The following VPS53 variants were observed in gnomAD, a reference collection of about 807,000 sequenced individuals.
VPS53 encodes vacuolar protein sorting-associated protein 53 homolog.
A neutral mutation model predicts 107.0 loss-of-function variants in VPS53; 70 were observed. The ratio of observed to expected loss-of-function variants is 0.65; its 90% CI spans 0.54 to 0.80. The LOEUF is 0.80. VPS53 is among the 30% of genes least tolerant of loss of function. The pLI, the probability that VPS53 is intolerant of heterozygous loss-of-function variation, is 0.00. For synonymous variants in VPS53, 409 were observed against 393.3 expected, an observed-to-expected ratio of 1.04 and a Z score of -0.47; for missense variants, 917 against 1,049.4, an observed-to-expected ratio of 0.87 and a Z score of 1.74.
chr17:598,833 G>A (rs1374731508), intron 12 of VPS53, among the ~76,000 whole-genome samples: 5 of 90,944 alleles, frequency 5.5e-5, no homozygotes, highest in Admixed American at 2.5e-4. Context: ...AGTGAGGAGC[G>A]TCTCCGCCCG....
At chr17:542,077 G>A (rs1490051286) in intron 17 of VPS53, among the ~76,000 whole-genome samples, 1 of 152,092 alleles carries the variant, frequency 6.6e-6, no homozygotes, top group Non-Finnish European at 1.5e-5. Flanking sequence ...ACGCACTGAA[G>A]GAACGTTTCT....
At chr17:556,304 G>C (rs1047018341) in intron 15 of VPS53, among the ~76,000 whole-genome samples, 3 of 151,886 alleles carry the variant, frequency 2.0e-5, no homozygotes, top group Non-Finnish European at 4.4e-5. Flanking sequence ...TGAGCAACAA[G>C]GAATTGGAAA....
chr17:665,269 G>A (rs1241232613), intron 4 of VPS53, among the ~76,000 whole-genome samples: 2 of 152,178 alleles, frequency 1.3e-5, no homozygotes, highest in Non-Finnish European at 2.9e-5. Flanking sequence ...GGCCCTCGCC[G>A]CAGGACGACA....
chr17:634,943 T>C (rs1970129577), intron 7 of VPS53, among the ~76,000 whole-genome samples: 1 of 152,080 alleles, frequency 6.6e-6, no homozygotes, highest in Non-Finnish European at 1.5e-5. Context: ...ATGGTATTTC[T>C]AGTTCTAGAT....
intron 2 of VPS53, among the ~76,000 whole-genome samples, chr17:706,998 G>A (rs974138283): frequency 6.6e-6 from 1 of 152,170 alleles, no homozygotes; most frequent in South Asian, 2.1e-4. Context: ...CCTGCCAAAA[G>A]TCCTTCAATG....
intron 11 of VPS53, among the ~76,000 whole-genome samples, chr17:607,736 G>A (rs1004015182): frequency 6.6e-6 from 1 of 152,214 alleles, no homozygotes; most frequent in Non-Finnish European, 1.5e-5. Context: ...TATGATGACA[G>A]TTGATTTCAA....
At chr17:713,760 C>A (rs1289568802) in intron 1 of VPS53, among the ~76,000 whole-genome samples, 34 of 152,016 alleles carry the variant, frequency 2.2e-4, no homozygotes, top group Admixed American at 2.2e-3. Context: ...GCAGGCAGGG[C>A]CGCGCGTGGT....
rs140666637 is a variant in VPS53, at chr17:562,356, T to C, written c.1556+147A>G. 7,604 of 1,104,136 alleles carry C rather than the reference T, an allele frequency of 6.9e-3. 49 individuals carry two copies. Among genetic ancestry groups the C allele is most frequent in the Middle Eastern group, 0.011 (39 of 3,422 alleles). The allele number at this position is 1,104,136 out of a possible 1,614,324, so 68.4% of individuals were successfully genotyped here. A position where few individuals can be genotyped will look rare whatever the true frequency, so the allele number is the denominator to read the frequency against. ...CAGCTGTGGAATGTCAGAGAGGAAA[T>C]AGCTTCAGGCCCTCGGGAACTCAGG... On this transcript the variant is annotated intron_variant, in intron 14 of 21. Coordinates refer to ENST00000437048, the MANE Select transcript of VPS53 (RefSeq NM_001128159.3).
intron 11 of VPS53, among the ~76,000 whole-genome samples, chr17:622,462 T>TC (rs1969508522): frequency 1.3e-5 from 2 of 152,040 alleles, no homozygotes; most frequent in African/African-American, 4.8e-5. Context: ...TCTTCTTCCC[T>TC]CCCTCCTTTC....
At position 513,805 on chromosome 17, in the gene VPS53, G is replaced by A. The variant is rs1457995488; in HGVS notation, c.*5323C>T. The A allele has an allele frequency of 2.4e-5, 3 of 124,712 alleles. No homozygotes were observed. The highest frequency in any genetic ancestry group is 5.0e-5 in the Non-Finnish European group (3 of 60,592). 7.7% of individuals were successfully genotyped at this position (124,712 alleles called of 1,614,324 possible). ...GGTTATTCCGAGTGCTCTTCCTAGC[G>A]AAGGAATCCCATTTCCAGCAGGTTA... is the stretch of plus-strand genomic sequence containing the variant. On this transcript the variant is annotated 3_prime_UTR_variant, in exon 22 of 22. Coordinates refer to ENST00000437048, the MANE Select transcript of VPS53 (RefSeq NM_001128159.3).
In VPS53 at chr17:542,975, CAA is replaced by C. The variant is rs57176595; in HGVS notation, c.1867-5801_1867-5800del. Among the ~76,000 whole-genome samples the C allele has an allele frequency of 6.7e-3, 603 of 89,912 alleles. 6 individuals carry two copies. The highest frequency in any genetic ancestry group is 0.011 in the African/African-American group (349 of 30,746). 59.0% of individuals were successfully genotyped at this position (89,912 alleles called of 152,430 possible). A position where few individuals can be genotyped will look rare whatever the true frequency, so the allele number is the denominator to read the frequency against. ...CCTGCCGGATAGAGCGAGACTCTGT[CAA>C]AAAAAAAAAAAAAAAATCTGCATTT... On this transcript the variant is annotated intron_variant, in intron 17 of 21. Coordinates refer to ENST00000437048, the MANE Select transcript of VPS53 (RefSeq NM_001128159.3).
chr17:566,559 A>G (rs1305114476), intron 13 of VPS53, among the ~76,000 whole-genome samples: 1 of 151,894 alleles, frequency 6.6e-6, no homozygotes, highest in Non-Finnish European at 1.5e-5. Flanking sequence ...TTCCTAGGGG[A>G]TGGGAATGGA....
chr17:606,388 T>C (rs1055314221), intron 11 of VPS53, among the ~76,000 whole-genome samples: 6 of 152,050 alleles, frequency 3.9e-5, no homozygotes, highest in Non-Finnish European at 8.8e-5. Context: ...CTACCTGCAA[T>C]GTGAAGGGAT....
At chr17:601,115 G>C (rs1231609373) in intron 12 of VPS53, 1 of 152,188 alleles carries the variant, frequency 6.6e-6, no homozygotes, top group East Asian at 1.9e-4. Context: ...TCCTCCAGCA[G>C]CCAAGTGTAG....
intron 7 of VPS53, among the ~76,000 whole-genome samples, chr17:634,856 AC>A (rs1251570522): frequency 6.7e-6 from 1 of 149,786 alleles, no homozygotes; most frequent in Non-Finnish European, 1.5e-5. Flanking sequence ...CAATAAACAT[AC>A]GTGTGCATGT....
At chr17:633,395 C>T (rs1046075680) in intron 7 of VPS53, among the ~76,000 whole-genome samples, 8 of 152,194 alleles carry the variant, frequency 5.3e-5, no homozygotes, top group African/African-American at 1.9e-4. Context: ...AAAGAGCACA[C>T]TTCCATTCTC....
At chr17:564,385 A>G (rs1265503635) in intron 13 of VPS53, among the ~76,000 whole-genome samples, 6 of 152,060 alleles carry the variant, frequency 3.9e-5, no homozygotes, top group African/African-American at 1.4e-4. Context: ...AAATACAAAA[A>G]AAAAATTAGC....
intron 7 of VPS53, among the ~76,000 whole-genome samples, chr17:641,121 G>T (rs1264593243): frequency 6.6e-6 from 1 of 152,170 alleles, no homozygotes; most frequent in Non-Finnish European, 1.5e-5. Context: ...CTCCCAAAGT[G>T]CTGGGATTAC....
At chr17:557,782 G>C (rs1716556089) in intron 15 of VPS53, among the ~76,000 whole-genome samples, 1 of 151,586 alleles carries the variant, frequency 6.6e-6, no homozygotes, top group Non-Finnish European at 1.5e-5. Context: ...GAACTTCTAA[G>C]AGTCTGTTCT....
Sources: allele counts gnomAD v4.1 joint callset (sites outside exome capture counted in the v4.1 genomes callset), GRCh38; gene constraint gnomAD v4.1.1; transcripts MANE v1.5; gene names NCBI Gene and HGNC (gene_info 2026-07-23, HGNC 2026-07-21).